ACSL3: variants seen among roughly 807,000 people sequenced by gnomAD.
ACSL3 encodes fatty acid CoA ligase Acsl3.
Under a neutral mutation model 84.7 loss-of-function variants are expected in ACSL3, and 34 were observed. The observed-to-expected ratio is 0.40, with a 90% CI of 0.31 to 0.53. The LOEUF (loss-of-function observed/expected upper bound fraction) is 0.53. ACSL3 is among the 20% of genes least tolerant of loss of function. The pLI is 0.48. For missense variants in ACSL3, 680 were observed against 873.1 expected (o/e 0.78, Z 2.79); for synonymous variants, 315 against 299.4 (o/e 1.05, Z -0.54).
intron 3 of ACSL3, among the ~76,000 whole-genome samples, chr2:222,902,312 G>A (rs1696172542): frequency 1.3e-5 from 2 of 152,270 alleles, no homozygotes; most frequent in African/African-American, 4.8e-5. Flanking sequence ...TAGAAAATGA[G>A]AACTAGACAG....
At chr2:222,869,318 T>A (rs770949899) in intron 1 of ACSL3, among the ~76,000 whole-genome samples, 2 of 152,248 alleles carry the variant, frequency 1.3e-5, no homozygotes, top group Non-Finnish European at 2.9e-5. Flanking sequence ...AAGGTTATCA[T>A]GACTTATGTT....
At chr2:222,881,717 T>A in intron 1 of ACSL3, among the ~76,000 whole-genome samples, 1 of 152,196 alleles carries the variant, frequency 6.6e-6, no homozygotes, top group East Asian at 1.9e-4. Context: ...GGTTTCACCA[T>A]GTTGGCTAGG....
chr2:222,929,153 G>A (rs552838788), intron 13 of ACSL3, among the ~76,000 whole-genome samples: 5 of 152,150 alleles, frequency 3.3e-5, no homozygotes, highest in African/African-American at 7.2e-5. Flanking sequence ...TACTTATTAC[G>A]TAGATGCAAG....
chr2:222,886,044 T>TA (rs969587376), intron 1 of ACSL3, among the ~76,000 whole-genome samples: 8 of 149,512 alleles, frequency 5.4e-5, no homozygotes, highest in South Asian at 4.2e-4. Flanking sequence ...TGCCTGACTT[T>TA]AAAAAAAAAA....
At chr2:222,937,233 T>C (rs200531153) in intron 16 of ACSL3, among the ~76,000 whole-genome samples, 2 of 59,996 alleles carry the variant, frequency 3.3e-5, no homozygotes. Flanking sequence ...AGAACAGTTA[T>C]TGTTAGTGTA....
At chr2:222,867,146 T>G (rs1027110038) in intron 1 of ACSL3, among the ~76,000 whole-genome samples, 4 of 152,176 alleles carry the variant, frequency 2.6e-5, no homozygotes, top group African/African-American at 9.7e-5. Flanking sequence ...AATTTTCTTT[T>G]TGGACTTGAA....
intron 1 of ACSL3, among the ~76,000 whole-genome samples, chr2:222,865,365 T>G (rs891141005): frequency 6.6e-6 from 1 of 152,254 alleles, no homozygotes; most frequent in Non-Finnish European, 1.5e-5. Context: ...ACCAACCTTT[T>G]GGATAAGTGG....
rs144708610 is a variant in ACSL3 at position 222,906,282 on chromosome 2, A to G, written c.-40-2451A>G. On this transcript the variant is annotated intron_variant, in intron 3 of 16. Transcript: ENST00000357430. ...GTCACCCTGGACTGCCCTTCTTGAG[A>G]GATGATAGCCGATTTTCAGCAGGGC... Among the ~76,000 whole-genome samples, 299 of 152,294 alleles carry G rather than the reference A, an allele frequency of 2.0e-3. 4 individuals carry two copies. Among genetic ancestry groups the G allele is most frequent in the African/African-American group, 7.0e-3 (292 of 41,554 alleles).
intron 1 of ACSL3, among the ~76,000 whole-genome samples, chr2:222,878,631 CT>C (rs1224034141): frequency 6.6e-6 from 1 of 152,188 alleles, no homozygotes; most frequent in Non-Finnish European, 1.5e-5. Flanking sequence ...ACTGTGACCT[CT>C]GCATCTTCAG....
Position 222,886,712 on chromosome 2 carries a change from A to G in ACSL3, c.-206-1118A>G, listed in dbSNP as rs981439960. ...ATGAGTAAATGAACGCAGCCTTTAT[A>G]GTATACTTTTTGAGTTTTGGAAATA... On this transcript the variant is annotated intron_variant, in intron 1 of 16. Transcript: ENST00000357430. Among the ~76,000 whole-genome samples the G allele has an allele frequency of 9.8e-5, 15 of 152,320 alleles. 1 individual carries two copies. In the East Asian group the frequency reaches 2.9e-3, roughly 29 times the overall value.
intron 1 of ACSL3, among the ~76,000 whole-genome samples, chr2:222,869,131 C>G (rs543853557): frequency 6.6e-6 from 1 of 152,208 alleles, no homozygotes; most frequent in South Asian, 2.1e-4. Context: ...GATAATGATT[C>G]AGATGGTGTT....
At chr2:222,923,631 C>T (rs980839916) in intron 10 of ACSL3, among the ~76,000 whole-genome samples, 1 of 152,024 alleles carries the variant, frequency 6.6e-6, no homozygotes, top group Non-Finnish European at 1.5e-5. Context: ...AATATAGGGG[C>T]CTGGGAATAA....
chr2:222,918,282 C>T (rs1403798727), intron 6 of ACSL3, 127 bp downstream of exon 6: 11 of 487,550 alleles, frequency 2.3e-5, no homozygotes, highest in African/African-American at 2.2e-4. Context: ...TTATGAATAT[C>T]ATACTTTATT....
chr2:222,919,492 A>C (rs1049301056), intron 7 of ACSL3: 3 of 225,604 alleles, frequency 1.3e-5, no homozygotes, highest in African/African-American at 6.9e-5. Context: ...GGGTGGTTTA[A>C]AGTTAGTTTA....
At position 222,933,272 on chromosome 2, in the gene ACSL3, T is replaced by C. The variant is rs1212419930; in HGVS notation, c.1839T>C (p.Tyr613=). 1.9e-6 allele frequency: 3 copies of C among 1,608,146 alleles called. No individual in the cohort carries two copies. Among genetic ancestry groups the C allele is most frequent in the Non-Finnish European group, 1.7e-6 (2 of 1,175,694 alleles). ...CACTAGTAGATAACATTTGTGCATATGCAAACAGGTAAGAACGTGGAATTC... is the reference window on the plus strand; with the variant it reads ...CACTAGTAGATAACATTTGTGCATACGCAAACAGGTAAGAACGTGGAATTC... ...NLPLVDNICA[Y]ANSYHSYVIG... is the part of the protein sequence containing the mutation. The change falls in exon 15 of 17, where the codon TAT becomes TAC. Residue 613 remains tyrosine, a synonymous_variant. Coordinates refer to ENST00000357430, the MANE Select transcript of ACSL3 (RefSeq NM_004457.5).
intron 2 of ACSL3, among the ~76,000 whole-genome samples, chr2:222,894,322 T>A (rs1022563616): frequency 6.6e-6 from 1 of 152,238 alleles, no homozygotes; most frequent in Non-Finnish European, 1.5e-5. Flanking sequence ...AGAGAAGAGA[T>A]CTTCCTTGTG....
At chr2:222,931,148 GA>G (rs1377354879) in intron 14 of ACSL3, among the ~76,000 whole-genome samples, 1 of 152,182 alleles carries the variant, frequency 6.6e-6, no homozygotes, top group Non-Finnish European at 1.5e-5. Context: ...CTGCCCAGGA[GA>G]ATAGAGGAAA....
intron 1 of ACSL3, among the ~76,000 whole-genome samples, chr2:222,875,922 TA>T (rs1695435458): frequency 6.6e-6 from 1 of 152,260 alleles, no homozygotes. Context: ...TACTAGGTAA[TA>T]CTTTGTAGGT....
chr2:222,865,020 AT>A (rs1213774768), intron 1 of ACSL3, among the ~76,000 whole-genome samples: 1 of 152,226 alleles, frequency 6.6e-6, no homozygotes, highest in African/African-American at 2.4e-5. Flanking sequence ...CTCAGTCTTA[AT>A]TTCATCCCTC....
Sources: allele counts gnomAD v4.1 joint callset (sites outside exome capture counted in the v4.1 genomes callset), GRCh38; gene constraint gnomAD v4.1.1; transcripts MANE v1.5; gene names NCBI Gene and HGNC (gene_info 2026-07-23, HGNC 2026-07-21).